CNTNAP4: variants seen among roughly 807,000 people sequenced by gnomAD.
CNTNAP4 encodes the protein contactin-associated protein-like 4.
A neutral mutation model predicts 148.4 loss-of-function variants in CNTNAP4; 98 were observed. The ratio of observed to expected loss-of-function variants is 0.66; its 90% confidence interval spans 0.56 to 0.78. CNTNAP4 has a LOEUF of 0.78. CNTNAP4 is among the 30% of genes least tolerant of loss of function. CNTNAP4 has a pLI of 0.00. For synonymous variants in CNTNAP4, 730 were observed against 565.1 expected (o/e 1.29, Z -4.14); for missense variants, 1,935 against 1,565.6 (o/e 1.24, Z -3.98).
At chr16:76,480,439 TA>T (rs1448051027) in intron 12 of CNTNAP4, among the ~76,000 whole-genome samples, 1 of 152,170 alleles carries the variant, frequency 6.6e-6, no homozygotes, top group African/African-American at 2.4e-5. Flanking sequence ...TTCAATGAAC[TA>T]ATATCCTAAA....
intron 1 of CNTNAP4, among the ~76,000 whole-genome samples, chr16:76,291,127 A>G (rs563047893): frequency 6.6e-6 from 1 of 152,254 alleles, no homozygotes; most frequent in Admixed American, 6.5e-5. Flanking sequence ...TGACATATTA[A>G]TTGTGGAGTG....
At chr16:76,386,345 T>G (rs1262302881) in intron 3 of CNTNAP4, among the ~76,000 whole-genome samples, 2 of 152,194 alleles carry the variant, frequency 1.3e-5, no homozygotes, top group Admixed American at 1.3e-4. Flanking sequence ...TTTTTAAAAT[T>G]GGAAACTGCC....
chr16:76,405,974 G>A (rs1331946114), intron 3 of CNTNAP4, among the ~76,000 whole-genome samples: 1 of 150,512 alleles, frequency 6.6e-6, no homozygotes, highest in African/African-American at 2.5e-5. Flanking sequence ...CCACCACTTT[G>A]GGAGGCAGAA....
intron 3 of CNTNAP4, among the ~76,000 whole-genome samples, chr16:76,410,011 T>C (rs2078736967): frequency 6.6e-6 from 1 of 151,906 alleles, no homozygotes; most frequent in African/African-American, 2.4e-5. Context: ...ATCTCCAATT[T>C]ATAGATAAAG....
intron 1 of CNTNAP4, among the ~76,000 whole-genome samples, chr16:76,304,222 A>G (rs1168473005): frequency 3.3e-5 from 5 of 152,162 alleles, no homozygotes; most frequent in Admixed American, 2.6e-4. Flanking sequence ...ATCATGTAGT[A>G]CTTAGCAGAG....
chr16:76,448,952 G>C lies in CNTNAP4; in HGVS notation c.927+1G>C. ...CAATCTCATGAATCTTGATTATGAGGTGTGATGGTTATGTTTCAATTAATG... is the reference window on the plus strand; with the variant it reads ...CAATCTCATGAATCTTGATTATGAGCTGTGATGGTTATGTTTCAATTAATG... On this transcript the variant is annotated splice_donor_variant, in intron 6 of 23. Transcript: ENST00000611870. LOFTEE classifies it high-confidence loss of function. 1 of 1,610,538 alleles carries C rather than the reference G, an allele frequency of 6.2e-7. No homozygotes were observed. The highest frequency in any genetic ancestry group is 2.2e-5 in the East Asian group (1 of 44,836).
At position 76,510,105 on chromosome 16, in the gene CNTNAP4, C is replaced by G. The variant is rs2082953110; in HGVS notation, c.2366-11035C>G. Among the ~76,000 whole-genome samples, 2 of 41,196 alleles carry G rather than the reference C, an allele frequency of 4.9e-5. 1 individual carries two copies. The highest frequency in any genetic ancestry group is 3.2e-3 in the South Asian group (2 of 616). 27.0% of individuals were successfully genotyped at this position (41,196 alleles called of 152,430 possible). A position where few individuals can be genotyped will look rare whatever the true frequency, so the allele number is the denominator to read the frequency against. ...TCATTTTGAGGACATTTTTATCACC[C>G]CCAAAGTAGACCTGCTCCCATTTTC... On this transcript the variant is annotated intron_variant, in intron 15 of 23. Coordinates refer to ENST00000611870, the MANE Select transcript of CNTNAP4 (RefSeq NM_033401.5).
chr16:76,559,703 C>T lies in CNTNAP4; in HGVS notation c.*1020C>T, dbSNP rs867978014. 2.0e-5 allele frequency among the ~76,000 whole-genome samples: 3 copies of T among 152,172 alleles called. No homozygotes were observed. Among genetic ancestry groups the T allele is most frequent in the African/African-American group, 4.8e-5 (2 of 41,508 alleles). ...CTTGATCTTCAATGATTATACTTCA[C>T]GAATCATCTTATATATTACCAAAAA... On this transcript the variant is annotated 3_prime_UTR_variant, in exon 24 of 24. Coordinates refer to ENST00000611870, the MANE Select transcript of CNTNAP4 (RefSeq NM_033401.5).
chr16:76,446,454 T>C (rs538817234), intron 4 of CNTNAP4, among the ~76,000 whole-genome samples: 2 of 152,328 alleles, frequency 1.3e-5, no homozygotes, highest in Admixed American at 1.3e-4. Flanking sequence ...TGAGTTCTTT[T>C]TAATGTCTCT....
At chr16:76,381,748 G>C (rs1259167228) in intron 3 of CNTNAP4, among the ~76,000 whole-genome samples, 1 of 152,108 alleles carries the variant, frequency 6.6e-6, no homozygotes. Context: ...AAATAAATGG[G>C]AGGATAATAA....
intron 18 of CNTNAP4, 34 bp downstream of exon 18, chr16:76,535,818 T>G (rs773407808): frequency 6.3e-7 from 1 of 1,584,486 alleles, no homozygotes; most frequent in South Asian, 1.1e-5. Context: ...AAGAGGAAAA[T>G]TTATTCAATG....
chr16:76,311,129 A>T (rs1961058771), intron 1 of CNTNAP4, among the ~76,000 whole-genome samples: 2 of 152,182 alleles, frequency 1.3e-5, no homozygotes, highest in South Asian at 4.1e-4. Flanking sequence ...CACACAGATT[A>T]AGAAAATTGA....
intron 2 of CNTNAP4, among the ~76,000 whole-genome samples, chr16:76,338,797 C>G (rs925453872): frequency 6.6e-6 from 1 of 152,092 alleles, no homozygotes; most frequent in Non-Finnish European, 1.5e-5. Context: ...TTGGCTCAGT[C>G]TCTTCATGTT....
intron 21 of CNTNAP4, among the ~76,000 whole-genome samples, chr16:76,550,712 T>C (rs1416222643): frequency 1.3e-5 from 2 of 152,174 alleles, no homozygotes; most frequent in African/African-American, 4.8e-5. Context: ...ATGCGGTCTT[T>C]TTCATGTATA....
chr16:76,501,670 CAG>C (rs1244999012), intron 15 of CNTNAP4, among the ~76,000 whole-genome samples: 1 of 152,164 alleles, frequency 6.6e-6, no homozygotes, highest in Non-Finnish European at 1.5e-5. Context: ...CGGCTCTCCA[CAG>C]AGAAGAATTA....
At position 76,553,474 on chromosome 16, in the gene CNTNAP4, T is replaced by A; in HGVS notation, c.3634T>A (p.Ser1212Thr). ...GGCCCAGCCTGGCACTGATGCCACA[T>A]CAAGGGAAAGGACACACTCGTTTGC... ...CMAQPGTDAT[S>T]RERTHSFADH... Residue 1212 changes from serine (S) to threonine (T), a missense_variant, in exon 22 of 24, where the codon TCA (serine) becomes ACA (threonine). Physicochemically the swap from Ser to Thr is moderately conservative, Grantham distance 58. Coordinates refer to ENST00000611870, the MANE Select transcript of CNTNAP4 (RefSeq NM_033401.5). 1 of 1,611,950 alleles carries A rather than the reference T, an allele frequency of 6.2e-7. No homozygotes were observed. Among genetic ancestry groups the A allele is most frequent in the South Asian group, 1.1e-5 (1 of 90,506 alleles).
Position 76,558,471 on chromosome 16 carries a change from ATTTC to A in CNTNAP4, c.3734-15_3734-12del. 2 of 1,477,862 alleles carry A rather than the reference ATTTC, an allele frequency of 1.4e-6. No individual in the cohort carries two copies. Among genetic ancestry groups the A allele is most frequent in the Non-Finnish European group, 1.9e-6 (2 of 1,071,252 alleles). The allele number at this position is 1,477,862 out of a possible 1,614,324, so 91.5% of individuals were successfully genotyped here. ...ATTTGGACAGAAATTCTGACTTTAT[ATTTC>A]TTTTCTCTCTCTAGGTCTGATAGCT... is the stretch of plus-strand genomic sequence containing the variant. On this transcript the variant is annotated splice_polypyrimidine_tract_variant and intron_variant, in intron 23 of 23. Coordinates refer to ENST00000611870, the MANE Select transcript of CNTNAP4 (RefSeq NM_033401.5).
At chr16:76,337,175 T>G (rs1314434126) in intron 2 of CNTNAP4, among the ~76,000 whole-genome samples, 1 of 152,218 alleles carries the variant, frequency 6.6e-6, no homozygotes, top group East Asian at 1.9e-4. Flanking sequence ...TGAACATGTG[T>G]ACCAAACACA....
intron 3 of CNTNAP4, among the ~76,000 whole-genome samples, chr16:76,400,635 T>C (rs2078375300): frequency 6.6e-6 from 1 of 152,212 alleles, no homozygotes; most frequent in South Asian, 2.1e-4. Context: ...CAGGATGGTG[T>C]TACCTAGGTT....
Sources: allele counts gnomAD v4.1 joint callset (sites outside exome capture counted in the v4.1 genomes callset), GRCh38; gene constraint gnomAD v4.1.1; transcripts MANE v1.5; gene names NCBI Gene and HGNC (gene_info 2026-07-23, HGNC 2026-07-21).